FAT3: variants seen among roughly 807,000 people sequenced by gnomAD.
FAT3 encodes the protein FAT atypical cadherin 3.
Under a neutral mutation model 310.2 loss-of-function variants are expected in FAT3, and 95 were observed. The observed-to-expected ratio is 0.31, with a 90% confidence interval of 0.26 to 0.36. The LOEUF is 0.36. Among genes scored for constraint, FAT3 ranks in the 10% least tolerant of loss-of-function variants. The probability of loss-of-function intolerance (pLI) is 1.00; values close to 1 mark genes in which losing one functional copy is unlikely to be tolerated. For missense variants in FAT3, 5,408 were observed against 5,715.6 expected, an observed-to-expected ratio of 0.95 and a Z score of 1.74; for synonymous variants, 2,314 against 2,192.9, an observed-to-expected ratio of 1.06 and a Z score of -1.54.
intron 2 of FAT3, among the ~76,000 whole-genome samples, chr11:92,462,326 C>T (rs939648149): frequency 1.3e-5 from 2 of 152,090 alleles, no homozygotes; most frequent in African/African-American, 4.8e-5. Context: ...TCCTCCCACC[C>T]TCCACCCTTG....
intron 13 of FAT3, 28 bp downstream of exon 13, chr11:92,810,104 C>T (rs1368831991): frequency 4.4e-6 from 7 of 1,593,730 alleles, no homozygotes; most frequent in Non-Finnish European, 6.0e-6. Context: ...ATCTCCCTGT[C>T]ACACAGTGGA....
rs1312425385 is a variant in FAT3, at chr11:92,530,824, G to C, written c.3607+5876G>C. Among the ~76,000 whole-genome samples, 3 of 152,010 alleles carry C rather than the reference G, an allele frequency of 2.0e-5. No individual in the cohort carries two copies. The East Asian group carries it at 5.8e-4, about 29-fold the overall frequency. Reference sequence around the variant, plus strand: ...GTGTTTATGCACAGTTCCATGTGGTGGTAATCTGCTTAGAAAACCACCTTT... The same window carrying C: ...GTGTTTATGCACAGTTCCATGTGGTCGTAATCTGCTTAGAAAACCACCTTT... On this transcript the variant is annotated intron_variant, in intron 3 of 27. Coordinates refer to ENST00000525166, the MANE Select transcript of FAT3 (RefSeq NM_001367949.2).
chr11:92,431,190 A>G (rs1483038657), intron 2 of FAT3, among the ~76,000 whole-genome samples: 1 of 152,148 alleles, frequency 6.6e-6, no homozygotes, highest in Non-Finnish European at 1.5e-5. Flanking sequence ...CTGACTTTTT[A>G]GTGATTGTCA....
chr11:92,387,334 C>T (rs1316391339), intron 2 of FAT3, among the ~76,000 whole-genome samples: 1 of 151,972 alleles, frequency 6.6e-6, no homozygotes, highest in Non-Finnish European at 1.5e-5. Context: ...GGAGTGGTTA[C>T]ATTAAATGGT....
chr11:92,520,094 C>A (rs564006220), intron 2 of FAT3, among the ~76,000 whole-genome samples: 1 of 151,960 alleles, frequency 6.6e-6, no homozygotes, highest in Admixed American at 6.6e-5. Context: ...CAAATATTCA[C>A]CAATTGGTCA....
At position 92,883,472 on chromosome 11, in the gene FAT3, A is replaced by G. The variant is rs565948137; in HGVS notation, c.12937+79A>G. 6.7e-7 allele frequency: 1 copy of G among 1,498,600 alleles called. No homozygotes were observed. Among genetic ancestry groups the G allele is most frequent in the South Asian group, 1.3e-5 (1 of 76,936 alleles). 92.8% of individuals were successfully genotyped at this position (1,498,600 alleles called of 1,614,324 possible). A position where few individuals can be genotyped will look rare whatever the true frequency, so the allele number is the denominator to read the frequency against. ...GGCGCTGTGCGAGGACGCTACGGGAAGGGAGAGAGACCCCGCATGCAGAGC... is the reference window on the plus strand; with the variant it reads ...GGCGCTGTGCGAGGACGCTACGGGAGGGGAGAGAGACCCCGCATGCAGAGC... On this transcript the variant is annotated intron_variant, in intron 24 of 27. Coordinates refer to ENST00000525166, the MANE Select transcript of FAT3 (RefSeq NM_001367949.2). The surrounding 1 kb of genome is among the most constrained non-coding windows in gnomAD (Gnocchi z 4.2).
intron 2 of FAT3, among the ~76,000 whole-genome samples, chr11:92,502,785 A>G (rs1952980508): frequency 6.6e-6 from 1 of 152,166 alleles, no homozygotes; most frequent in Admixed American, 6.6e-5. Flanking sequence ...CTTTCCATAG[A>G]TGGGCATTTG....
intron 7 of FAT3, among the ~76,000 whole-genome samples, chr11:92,781,460 G>C (rs1314954189): frequency 6.6e-6 from 1 of 152,104 alleles, no homozygotes; most frequent in African/African-American, 2.4e-5. Context: ...TTGAGGCACA[G>C]ACTGCTTAGG....
chr11:92,820,449 AG>A (rs1947935379), intron 13 of FAT3, among the ~76,000 whole-genome samples: 1 of 152,216 alleles, frequency 6.6e-6, no homozygotes, highest in Non-Finnish European at 1.5e-5. Flanking sequence ...AGTGGAGATT[AG>A]GGCCTCAACA....
chr11:92,642,356 G>C (rs1488978465), intron 3 of FAT3, among the ~76,000 whole-genome samples: 1 of 152,170 alleles, frequency 6.6e-6, no homozygotes, highest in Non-Finnish European at 1.5e-5. Context: ...TAAGCTGGCA[G>C]GATGAATCAA....
chr11:92,476,118 G>A (rs1952046482), intron 2 of FAT3, among the ~76,000 whole-genome samples: 1 of 151,934 alleles, frequency 6.6e-6, no homozygotes, highest in African/African-American at 2.4e-5. Context: ...CAGGGGAAGG[G>A]AGAGAGTGTC....
At chr11:92,763,107 C>T (rs570322960) in intron 5 of FAT3, among the ~76,000 whole-genome samples, 6 of 151,504 alleles carry the variant, frequency 4.0e-5, no homozygotes, top group Non-Finnish European at 7.4e-5. Context: ...TGCAGTGAGC[C>T]AAGACCACGC....
At chr11:92,505,284 T>A (rs1276709265) in intron 2 of FAT3, among the ~76,000 whole-genome samples, 1 of 152,138 alleles carries the variant, frequency 6.6e-6, no homozygotes, top group Non-Finnish European at 1.5e-5. Flanking sequence ...GAACTTCTGC[T>A]GGGGAGAATG....
At chr11:92,720,407 A>G (rs1414651891) in intron 4 of FAT3, among the ~76,000 whole-genome samples, 3 of 152,192 alleles carry the variant, frequency 2.0e-5, no homozygotes, top group Non-Finnish European at 4.4e-5. Context: ...TAATTAGGTT[A>G]ACCTTTTCTC....
chr11:92,272,295 A>G (rs1325887627), intron 1 of FAT3, among the ~76,000 whole-genome samples: 1 of 152,070 alleles, frequency 6.6e-6, no homozygotes, highest in Non-Finnish European at 1.5e-5. Context: ...CAAGCACATA[A>G]GGCCGAGTGG....
At chr11:92,560,612 G>A (rs771034924) in intron 3 of FAT3, among the ~76,000 whole-genome samples, 9 of 151,954 alleles carry the variant, frequency 5.9e-5, no homozygotes, top group Non-Finnish European at 1.2e-4. Flanking sequence ...TAGAATCTTG[G>A]AATTTGATCA....
chr11:92,752,015 A>G (rs1393936191), intron 4 of FAT3, among the ~76,000 whole-genome samples: 1 of 152,114 alleles, frequency 6.6e-6, no homozygotes, highest in African/African-American at 2.4e-5. Context: ...GGCGTGCAAT[A>G]AGTGCTATCA....
intron 21 of FAT3, among the ~76,000 whole-genome samples, chr11:92,859,641 C>A (rs911412281): frequency 2.0e-5 from 3 of 152,128 alleles, no homozygotes; most frequent in African/African-American, 7.2e-5. Flanking sequence ...CAGGGGTGGT[C>A]CTTTAAAAGG....
chr11:92,758,803 T>C (rs1946069250), intron 4 of FAT3, among the ~76,000 whole-genome samples: 1 of 152,164 alleles, frequency 6.6e-6, no homozygotes. Flanking sequence ...GTGTGTGAGA[T>C]ACCTGTTGGT....
Sources: allele counts gnomAD v4.1 joint callset (sites outside exome capture counted in the v4.1 genomes callset), GRCh38; gene constraint gnomAD v4.1.1; non-coding constraint Gnocchi (gnomAD v3.1); transcripts MANE v1.5; gene names NCBI Gene and HGNC (gene_info 2026-07-23, HGNC 2026-07-21).